The following CA5B variants were observed in gnomAD, a reference collection of about 807,000 sequenced individuals.
CA5B encodes carbonic anhydrase 5B, mitochondrial.
A neutral mutation model predicts 23.1 loss-of-function variants in CA5B; 15 were observed. The observed-to-expected ratio is 0.65, with a 90% CI of 0.43 to 1.00. The LOEUF (loss-of-function observed/expected upper bound fraction) is 1.00, where lower values mean the gene tolerates loss of function less well. Ranked by LOEUF, CA5B falls within the 50% of genes least tolerant of loss-of-function variation. CA5B has a pLI of 0.00. For missense variants in CA5B, 236 were observed against 252.2 expected, an observed-to-expected ratio of 0.94 and a Z score of 0.43; for synonymous variants, 84 against 98.5, an observed-to-expected ratio of 0.85 and a Z score of 0.87.
chrX:15,756,795 C>T (rs1193021993), intron 2 of CA5B, among the ~76,000 whole-genome samples: 1 of 111,803 alleles, frequency 8.9e-6, no homozygotes, highest in African/African-American at 3.3e-5. Context: ...TGGCTCATGC[C>T]TGTAATCCCA....
chrX:15,754,177 C>T (rs1931444280), intron 2 of CA5B, among the ~76,000 whole-genome samples: 1 of 111,854 alleles, frequency 8.9e-6, no homozygotes, highest in African/African-American at 3.3e-5. Flanking sequence ...TTGGGATCCC[C>T]CTGGCCAGGG....
intron 1 of CA5B, among the ~76,000 whole-genome samples, chrX:15,741,228 C>T (rs1055643415): frequency 1.9e-4 from 20 of 105,472 alleles, no homozygotes; most frequent in South Asian, 4.5e-4. Flanking sequence ...CCACCATGCA[C>T]GGCTAATTTT....
At chrX:15,759,788 GC>G (rs774482156) in intron 2 of CA5B, among the ~76,000 whole-genome samples, 10 of 75,117 alleles carry the variant, frequency 1.3e-4, no homozygotes, top group African/African-American at 5.6e-4. Context: ...TTGACCTGTC[GC>G]CCTGGCTGGA....
In CA5B at chrX:15,750,116, G is replaced by A. The variant is rs200064337; in HGVS notation, c.93G>A (p.Ala31=). 133 of 1,210,166 alleles carry A rather than the reference G, an allele frequency of 1.1e-4. No individual in the cohort carries two copies. Among genetic ancestry groups the A allele is most frequent in the African/African-American group, 8.7e-5 (5 of 57,294 alleles). The part of the protein sequence containing the change: ...RKFQIPRFMP[A]RPCSLYTCTY... ...TCCAGATTCCGAGATTCATGCCAGC[G>A]AGGCCCTGCAGCCTCTATACTTGTA... Residue 31 remains alanine, a synonymous_variant, in exon 2 of 8, where the codon GCG becomes GCA. Coordinates refer to ENST00000318636, the MANE Select transcript of CA5B (RefSeq NM_007220.4).
At chrX:15,781,856 G>A (rs1932028674) in intron 7 of CA5B, among the ~76,000 whole-genome samples, 1 of 108,606 alleles carries the variant, frequency 9.2e-6, no homozygotes, top group South Asian at 3.9e-4. Flanking sequence ...TGAGCCTGCA[G>A]TGAATCATGA....
rs1455369241 is a variant in CA5B at position 15,764,717 on chromosome X, C to T, written c.282C>T (p.His94=). ...CTTATGACCCAGCCACCTGCCTCCA[C>T]GTCTGGAATAATGGGTACTCTTTCC... The part of the protein sequence containing the change: ...TISYDPATCL[H]VWNNGYSFLV... The change falls in exon 3 of 8, where the codon CAC becomes CAT. Residue 94 remains histidine, a synonymous_variant. Coordinates refer to ENST00000318636, the MANE Select transcript of CA5B (RefSeq NM_007220.4). The T allele has an allele frequency of 5.1e-6, 6 of 1,177,643 alleles. No homozygotes were observed. The highest frequency in any genetic ancestry group is 1.8e-5 in the South Asian group (1 of 54,393).
intron 6 of CA5B, 24 bp downstream of exon 6, chrX:15,775,332 C>G: frequency 1.7e-6 from 2 of 1,181,297 alleles, no homozygotes; most frequent in Non-Finnish European, 2.3e-6. Context: ...TCCTTAATTA[C>G]TTGAAATATA....
rs778789488 is a variant in CA5B, at chrX:15,755,362, A to G, written c.142+5197A>G. Among the ~76,000 whole-genome samples the G allele has an allele frequency of 1.3e-4, 14 of 111,943 alleles. No individual in the cohort carries two copies. The South Asian group carries it at 5.2e-3, about 41-fold the overall frequency. ...CTGTGGCTAATGGACTCAGCATCCA[A>G]GTTCCTTTTATAGCCCTGATGATGC... On this transcript the variant is annotated intron_variant, in intron 2 of 7. Coordinates refer to ENST00000318636, the MANE Select transcript of CA5B (RefSeq NM_007220.4).
chrX:15,776,529 G>C (rs1240251959), intron 6 of CA5B, among the ~76,000 whole-genome samples, 185 bp from the exon 7 acceptor site: 1 of 110,905 alleles, frequency 9.0e-6, no homozygotes, highest in African/African-American at 3.3e-5. Flanking sequence ...GTTAATTCCA[G>C]AAACAAAGCC....
chrX:15,766,712 C>G (rs181257276), intron 3 of CA5B, among the ~76,000 whole-genome samples: 1 of 111,437 alleles, frequency 9.0e-6, no homozygotes, highest in East Asian at 2.8e-4. Flanking sequence ...CCATCTGGGT[C>G]TGTTGGTGGA....
intron 2 of CA5B, among the ~76,000 whole-genome samples, chrX:15,752,705 A>G (rs1931397203): frequency 9.8e-6 from 1 of 102,098 alleles, no homozygotes; most frequent in Admixed American, 1.1e-4. Flanking sequence ...AGCCTGGGCG[A>G]CAGAGCGAGA....
Position 15,750,129 on chromosome X carries a change from C to T in CA5B, c.106C>T (p.Leu36Phe), listed in dbSNP as rs1422085810. The T allele has an allele frequency of 2.5e-6, 3 of 1,209,942 alleles. No homozygotes were observed. In the African/African-American group the frequency reaches 5.2e-5, roughly 21 times the overall value. The stretch of plus-strand genomic sequence containing the variant: ...ATTCATGCCAGCGAGGCCCTGCAGC[C>T]TCTATACTTGTACTTACAAAACCCG... ...PRFMPARPCSLYTCTYKTRNR... is the reference protein window; with the variant it reads ...PRFMPARPCSFYTCTYKTRNR... Residue 36 changes from leucine (L) to phenylalanine (F), a missense_variant, in exon 2 of 8, where the codon CTC (leucine) becomes TTC (phenylalanine). This residue lies in a region of CA5B where 54 missense variants were observed against 46.6 expected (regional missense o/e 1.16). Coordinates refer to ENST00000318636, the MANE Select transcript of CA5B (RefSeq NM_007220.4).
chrX:15,766,026 G>A (rs937509823), intron 3 of CA5B, among the ~76,000 whole-genome samples: 2 of 107,708 alleles, frequency 1.9e-5, no homozygotes, highest in African/African-American at 3.4e-5. Context: ...GTGTGGTGGC[G>A]CATGCCTGTA....
chrX:15,739,172 G>T (rs973230480), intron 1 of CA5B, among the ~76,000 whole-genome samples: 16 of 112,027 alleles, frequency 1.4e-4, no homozygotes, highest in African/African-American at 5.2e-4. Flanking sequence ...GAGTTGATGT[G>T]TACAACTTAG....
chrX:15,747,257 A>G (rs943121495), intron 1 of CA5B, among the ~76,000 whole-genome samples: 3 of 112,078 alleles, frequency 2.7e-5, no homozygotes, highest in African/African-American at 9.7e-5. Context: ...TAGTAAAGAA[A>G]GAGTTTAAGT....
chrX:15,767,960 G>A (rs1202297949), intron 3 of CA5B, among the ~76,000 whole-genome samples: 3 of 97,266 alleles, frequency 3.1e-5, no homozygotes, highest in Non-Finnish European at 6.1e-5. Context: ...GTGCAGTGGC[G>A]TGATCTTGGC....
intron 3 of CA5B, chrX:15,769,522 T>G (rs1178914380): frequency 1.3e-6 from 1 of 749,837 alleles, no homozygotes; most frequent in Non-Finnish European, 1.6e-6. Flanking sequence ...GTGAGTGCCT[T>G]TGTTCTCCTC....
At chrX:15,752,557 C>G (rs1188514276) in intron 2 of CA5B, among the ~76,000 whole-genome samples, 1 of 110,683 alleles carries the variant, frequency 9.0e-6, no homozygotes, top group Non-Finnish European at 1.9e-5. Flanking sequence ...AACCCCGTCT[C>G]TACTAAAAAT....
Position 15,776,111 on chromosome X carries a change from G to A in CA5B, c.619-603G>A, listed in dbSNP as rs772879263. 10 of 487,881 alleles carry A rather than the reference G, an allele frequency of 2.0e-5. No individual in the cohort carries two copies. The South Asian group carries it at 4.4e-4, about 21-fold the overall frequency. 40.2% of individuals were successfully genotyped at this position (487,881 alleles called of 1,213,427 possible). On this transcript the variant is annotated intron_variant, in intron 6 of 7. Transcript: ENST00000318636. ...CACAGCACTTTGGGAGGCCGAGGCT[G>A]GCGGATCACGAGGTCAGGAGATCGA...
Sources: gnomAD v4.1 joint callset for allele counts (sites outside exome capture counted in the v4.1 genomes callset) on GRCh38, gnomAD v4.1.1 for gene constraint, gnomAD v4.1.1 regional missense constraint, MANE v1.5 for transcripts, NCBI Gene and HGNC (gene_info 2026-07-23, HGNC 2026-07-21) for gene names.